Variants in EPHB2 observed in about 807,000 individuals in gnomAD.
EPHB2 encodes the protein ephrin type-B receptor 2.
In EPHB2, 18 loss-of-function variants were observed where a neutral mutation model predicts 96.4. The ratio of observed to expected loss-of-function variants is 0.19; its 90% confidence interval spans 0.13 to 0.28. EPHB2 has a LOEUF of 0.28. EPHB2 is among the 10% of genes least tolerant of loss of function. The pLI, the probability that EPHB2 is intolerant of heterozygous loss-of-function variation, is 1.00. For synonymous variants in EPHB2, 506 were observed against 534.1 expected, an observed-to-expected ratio of 0.95 and a Z score of 0.72; for missense variants, 989 against 1,355.4, an observed-to-expected ratio of 0.73 and a Z score of 4.25.
At chr1:22,830,572 G>A (rs760393526) in intron 3 of EPHB2, among the ~76,000 whole-genome samples, 6 of 152,122 alleles carry the variant, frequency 3.9e-5, no homozygotes, top group Non-Finnish European at 8.8e-5. Context: ...CATTTCTTTT[G>A]TTTGTTTGTT....
chr1:22,879,015 T>A (rs908500), intron 5 of EPHB2, among the ~76,000 whole-genome samples: 2 of 152,088 alleles, frequency 1.3e-5, no homozygotes, highest in Admixed American at 1.3e-4. Flanking sequence ...CCCCACCTGC[T>A]TGGCCGGCCC....
intron 5 of EPHB2, among the ~76,000 whole-genome samples, chr1:22,866,704 C>T (rs560779264): frequency 7.7e-4 from 117 of 152,086 alleles, no homozygotes; most frequent in African/African-American, 2.5e-3. Flanking sequence ...GAGGCCAAGG[C>T]GGGAGGATCA....
chr1:22,803,213 G>A (rs370011873), intron 3 of EPHB2, among the ~76,000 whole-genome samples: 15 of 152,240 alleles, frequency 9.9e-5, no homozygotes, highest in East Asian at 9.6e-4. Flanking sequence ...TGCCTGGGCC[G>A]GGCAGGACTG....
intron 3 of EPHB2, among the ~76,000 whole-genome samples, chr1:22,796,458 C>T (rs1289852899): frequency 2.0e-5 from 3 of 152,188 alleles, no homozygotes; most frequent in South Asian, 4.1e-4. Flanking sequence ...GTCACAGTAA[C>T]CTGCTTGCCC....
chr1:22,799,628 C>A (rs1644814200), intron 3 of EPHB2, among the ~76,000 whole-genome samples: 1 of 152,152 alleles, frequency 6.6e-6, no homozygotes, highest in Non-Finnish European at 1.5e-5. Context: ...CATGACCATC[C>A]CCTTTTGCAG....
chr1:22,837,879 G>T (rs888349794), intron 3 of EPHB2, among the ~76,000 whole-genome samples: 3 of 152,098 alleles, frequency 2.0e-5, no homozygotes, highest in Non-Finnish European at 4.4e-5. Context: ...CGTCCAGCTG[G>T]TGCCCCACTG....
At chr1:22,796,009 C>G (rs1405186671) in intron 3 of EPHB2, among the ~76,000 whole-genome samples, 1 of 152,200 alleles carries the variant, frequency 6.6e-6, no homozygotes, top group Non-Finnish European at 1.5e-5. Context: ...ACCAAGGTCT[C>G]AGGGGAGCCC....
chr1:22,903,444 G>T (rs1222079545), intron 9 of EPHB2, among the ~76,000 whole-genome samples: 1 of 152,192 alleles, frequency 6.6e-6, no homozygotes. Flanking sequence ...TACTCCAGCA[G>T]GCAGCATGGA....
intron 9 of EPHB2, among the ~76,000 whole-genome samples, chr1:22,903,173 G>A (rs1046887872): frequency 1.3e-5 from 2 of 152,360 alleles, no homozygotes; most frequent in East Asian, 3.9e-4. Context: ...GCATGACGAT[G>A]GCATCCAGTT....
intron 5 of EPHB2, 117 bp downstream of exon 5, chr1:22,865,329 C>A (rs947445680): frequency 8.1e-7 from 1 of 1,242,184 alleles, no homozygotes; most frequent in Admixed American, 1.9e-5. Context: ...TTTTCAAAGG[C>A]TTTTCATGTG....
At chr1:22,713,028 T>G (rs1371138274) in intron 1 of EPHB2, among the ~76,000 whole-genome samples, 1 of 152,048 alleles carries the variant, frequency 6.6e-6, no homozygotes, top group African/African-American at 2.4e-5. Context: ...TGGAATCTGG[T>G]GGGCTGTGGC....
chr1:22,862,666 C>G (rs1638306899), intron 3 of EPHB2, among the ~76,000 whole-genome samples: 1 of 152,162 alleles, frequency 6.6e-6, no homozygotes. Context: ...TTCTAAGAAT[C>G]AGGGCCCAGC....
At chr1:22,820,910 A>C (rs4589082) in intron 3 of EPHB2, among the ~76,000 whole-genome samples, 1 of 152,164 alleles carries the variant, frequency 6.6e-6, no homozygotes, top group South Asian at 2.1e-4. Context: ...GTATGTTTGA[A>C]TCCACGGCAT....
intron 14 of EPHB2, among the ~76,000 whole-genome samples, chr1:22,911,261 A>G (rs1264588665): frequency 6.6e-6 from 1 of 152,156 alleles, no homozygotes; most frequent in African/African-American, 2.4e-5. Flanking sequence ...CTCACGCTCA[A>G]ACCTGGACCC....
intron 1 of EPHB2, among the ~76,000 whole-genome samples, chr1:22,749,747 T>C (rs1357566856): frequency 1.3e-5 from 2 of 152,170 alleles, no homozygotes; most frequent in African/African-American, 4.8e-5. Flanking sequence ...GTTCATTCAT[T>C]CACTCACTCA....
chr1:22,754,930 T>TGAGGCGAGGGGCAGGGAAGGTGAGAC (rs1644124388), intron 1 of EPHB2, among the ~76,000 whole-genome samples: 1 of 15,468 alleles, frequency 6.5e-5, no homozygotes, highest in Non-Finnish European at 1.4e-4. Context: ...GGAGGTGAGG[T>TGAGGCGAGGGGCAGGGAAGGTGAGAC]GAGGGGCAGG....
Position 22,777,368 on chromosome 1 carries a change from G to A in EPHB2, c.62-4053G>A, listed in dbSNP as rs1404744965. 2.0e-5 allele frequency among the ~76,000 whole-genome samples: 3 copies of A among 152,182 alleles called. No homozygotes were observed. The South Asian group carries it at 6.2e-4, about 32-fold the overall frequency. Reference sequence around the variant, plus strand: ...GTATCAAGTACCTCTTGGCATTGTTGTGAGAATGTTGGTGAGAGATTCTGG... The same window carrying A: ...GTATCAAGTACCTCTTGGCATTGTTATGAGAATGTTGGTGAGAGATTCTGG... On this transcript the variant is annotated intron_variant, in intron 1 of 15. Transcript: ENST00000374630.
chr1:22,874,968 A>G (rs1303209651), intron 5 of EPHB2, among the ~76,000 whole-genome samples: 1 of 152,198 alleles, frequency 6.6e-6, no homozygotes, highest in East Asian at 1.9e-4. Context: ...GGGACTTCTC[A>G]GAGCCTTGAA....
intron 1 of EPHB2, among the ~76,000 whole-genome samples, chr1:22,773,208 CAG>C (rs1644402697): frequency 6.6e-6 from 1 of 152,230 alleles, no homozygotes; most frequent in South Asian, 2.1e-4. Flanking sequence ...GATGAGGAAA[CAG>C]AGGCTCAGAG....
Sources: gnomAD v4.1 joint callset for allele counts (sites outside exome capture counted in the v4.1 genomes callset) on GRCh38, gnomAD v4.1.1 for gene constraint, MANE v1.5 for transcripts, NCBI Gene and HGNC (gene_info 2026-07-23, HGNC 2026-07-21) for gene names.